Variants in TFEC observed in about 807,000 individuals in gnomAD.
TFEC encodes class E basic helix-loop-helix protein 34.
In TFEC, 31 loss-of-function variants were observed where a neutral mutation model predicts 41.6. That is an observed-to-expected ratio of 0.74 (90% CI 0.56 to 1.01). The LOEUF is 1.01. Ranked by LOEUF, TFEC falls within the 50% of genes least tolerant of loss-of-function variation. The pLI is 0.00. For synonymous variants in TFEC, 143 were observed against 140.6 expected (o/e 1.02, Z -0.12); for missense variants, 402 against 404.1 (o/e 0.99, Z 0.04).
intron 3 of TFEC, among the ~76,000 whole-genome samples, chr7:115,961,041 C>T (rs1003812556): frequency 6.6e-6 from 1 of 151,432 alleles, no homozygotes; most frequent in Admixed American, 6.6e-5. Flanking sequence ...AATAAATACA[C>T]CAAAAATAGT....
chr7:115,947,983 C>T (rs1246375509), intron 6 of TFEC, among the ~76,000 whole-genome samples: 1 of 151,956 alleles, frequency 6.6e-6, no homozygotes, highest in Non-Finnish European at 1.5e-5. Flanking sequence ...AGAGAAGAAT[C>T]AAATAGATGC....
chr7:116,097,594 G>C (rs1797497115), intron 3 of TFEC, among the ~76,000 whole-genome samples: 1 of 152,142 alleles, frequency 6.6e-6, no homozygotes, highest in Non-Finnish European at 1.5e-5. Flanking sequence ...GCAGGACAAA[G>C]GGATGATTCA....
chr7:116,011,597 T>G (rs1795003695), intron 1 of TFEC, among the ~76,000 whole-genome samples: 1 of 152,168 alleles, frequency 6.6e-6, no homozygotes, highest in African/African-American at 2.4e-5. Flanking sequence ...TGTCCAGGTA[T>G]TAACAATATT....
At chr7:115,968,537 A>G (rs554813533) in intron 3 of TFEC, among the ~76,000 whole-genome samples, 1 of 151,868 alleles carries the variant, frequency 6.6e-6, no homozygotes, top group Non-Finnish European at 1.5e-5. Context: ...AAAAATACCT[A>G]TATATGTTAA....
intron 1 of TFEC, among the ~76,000 whole-genome samples, chr7:116,025,008 C>A (rs1187659869): frequency 6.6e-6 from 1 of 152,082 alleles, no homozygotes; most frequent in African/African-American, 2.4e-5. Context: ...TAAGTGTGGT[C>A]CATTAGGCCT....
chr7:116,112,449 C>T (rs1223432698), intron 1 of TFEC, among the ~76,000 whole-genome samples: 1 of 151,930 alleles, frequency 6.6e-6, no homozygotes, highest in African/African-American at 2.4e-5. Flanking sequence ...TATGTTATTT[C>T]TCATATCATT....
intron 1 of TFEC, among the ~76,000 whole-genome samples, chr7:116,013,739 A>G (rs1436575349): frequency 6.6e-6 from 1 of 152,140 alleles, no homozygotes; most frequent in African/African-American, 2.4e-5. Flanking sequence ...CTAGGGGAAA[A>G]AAATGTGTTC....
intron 3 of TFEC, among the ~76,000 whole-genome samples, chr7:116,057,022 A>C (rs574520044): frequency 6.6e-6 from 1 of 152,030 alleles, no homozygotes; most frequent in African/African-American, 2.4e-5. Context: ...TGTGAGATGC[A>C]AAATACGCTG....
chr7:115,955,845 T>A (rs1475532492), intron 4 of TFEC, among the ~76,000 whole-genome samples: 1 of 152,126 alleles, frequency 6.6e-6, no homozygotes, highest in East Asian at 1.9e-4. Context: ...TCTGAATAAT[T>A]TGGATGCATA....
At chr7:116,048,246 G>T (rs191039972) in intron 3 of TFEC, among the ~76,000 whole-genome samples, 64 of 152,294 alleles carry the variant, frequency 4.2e-4, no homozygotes, top group Admixed American at 1.7e-3. Context: ...AAGATTAGAC[G>T]AATGGCTAAC....
chr7:115,979,372 T>C (rs555676621), intron 2 of TFEC, among the ~76,000 whole-genome samples: 47 of 152,270 alleles, frequency 3.1e-4, no homozygotes, highest in Non-Finnish European at 6.2e-4. Flanking sequence ...TCTGCGCTCA[T>C]GCTATCCCAT....
intron 1 of TFEC, among the ~76,000 whole-genome samples, chr7:116,023,270 A>G (rs1364501179): frequency 6.6e-6 from 1 of 152,184 alleles, no homozygotes; most frequent in Non-Finnish European, 1.5e-5. Context: ...TTTCAAAACA[A>G]TAAAACAAAA....
intron 3 of TFEC, 147 bp from the exon 4 acceptor site, chr7:115,956,940 G>A (rs1283538609): frequency 1.4e-5 from 6 of 444,100 alleles, no homozygotes; most frequent in South Asian, 1.4e-4. Flanking sequence ...TAAACAAGAC[G>A]AGTATGCATT....
At chr7:116,099,594 G>A (rs1352384674) in intron 3 of TFEC, among the ~76,000 whole-genome samples, 1 of 152,146 alleles carries the variant, frequency 6.6e-6, no homozygotes, top group East Asian at 1.9e-4. Context: ...GAGACACACG[G>A]CTCAGCCAAC....
intron 3 of TFEC, among the ~76,000 whole-genome samples, chr7:116,049,112 T>G (rs1796244115): frequency 6.6e-6 from 1 of 152,068 alleles, no homozygotes; most frequent in Admixed American, 6.5e-5. Context: ...AATGACAGGA[T>G]CAAATTCACA....
chr7:116,002,943 A>C (rs567420065), intron 1 of TFEC, among the ~76,000 whole-genome samples: 11 of 152,190 alleles, frequency 7.2e-5, no homozygotes, highest in Non-Finnish European at 8.8e-5. Context: ...GAGCAAATGA[A>C]ATCATATAAA....
At chr7:116,069,622 T>G (rs1471701231) in intron 3 of TFEC, among the ~76,000 whole-genome samples, 1 of 151,736 alleles carries the variant, frequency 6.6e-6, no homozygotes, top group Non-Finnish European at 1.5e-5. Context: ...GAGCACTGCT[T>G]TCTTTTCCAA....
chr7:116,121,487 G>T (rs974246043), intron 1 of TFEC: 1 of 151,966 alleles, frequency 6.6e-6, no homozygotes, highest in African/African-American at 2.4e-5. Flanking sequence ...AGATAGTGAT[G>T]ATGGTTGACA....
At chr7:116,119,396 C>A (rs185583284) in intron 1 of TFEC, among the ~76,000 whole-genome samples, 5 of 151,752 alleles carry the variant, frequency 3.3e-5, no homozygotes, top group Non-Finnish European at 2.9e-5. Context: ...TTAAAATATG[C>A]ATTTATTAAT....
Sources: gnomAD v4.1 joint callset for allele counts (sites outside exome capture counted in the v4.1 genomes callset) on GRCh38, gnomAD v4.1.1 for gene constraint, MANE v1.5 for transcripts, NCBI Gene and HGNC (gene_info 2026-07-23, HGNC 2026-07-21) for gene names.